The following NEO1 variants were observed in gnomAD, a reference collection of about 807,000 sequenced individuals.
The protein encoded by NEO1 is neogenin 1, also known as neogenin.
NEO1 carries 63 observed loss-of-function variants against 159.7 expected under a neutral mutation model. The ratio of observed to expected loss-of-function variants is 0.39; its 90% CI spans 0.32 to 0.49. The LOEUF (loss-of-function observed/expected upper bound fraction) is 0.49, where lower values mean the gene tolerates loss of function less well. Among genes scored for constraint, NEO1 ranks in the 20% least tolerant of loss-of-function variants. The pLI is 0.85. For missense variants in NEO1, 1,615 were observed against 1,831.0 expected (o/e 0.88, Z 2.15); for synonymous variants, 633 against 662.0 (o/e 0.96, Z 0.67).
intron 7 of NEO1, among the ~76,000 whole-genome samples, chr15:73,221,366 A>G (rs1303053953): frequency 6.6e-6 from 1 of 152,182 alleles, no homozygotes; most frequent in African/African-American, 2.4e-5. Context: ...TAGGCTGCTC[A>G]GGGGTCAGGG....
chr15:73,301,181 C>T, intron 27 of NEO1, 140 bp from the exon 28 acceptor site: 1 of 1,062,578 alleles, frequency 9.4e-7, no homozygotes, highest in Non-Finnish European at 1.4e-6. Flanking sequence ...CCTCTTATTC[C>T]AGTAACTTTT....
chr15:73,141,105 C>G (rs983311365), intron 5 of NEO1, among the ~76,000 whole-genome samples: 2 of 152,152 alleles, frequency 1.3e-5, no homozygotes, highest in Admixed American at 6.5e-5. Context: ...CAGATTATAA[C>G]TCATAATGTG....
At chr15:73,245,600 A>C (rs2039748070) in intron 9 of NEO1, among the ~76,000 whole-genome samples, 1 of 147,222 alleles carries the variant, frequency 6.8e-6, no homozygotes, top group South Asian at 2.1e-4. Context: ...TTTGAGGCGG[A>C]GTCTCGCTCT....
intron 10 of NEO1, 42 bp downstream of exon 10, chr15:73,249,250 T>C (rs759200826): frequency 2.5e-6 from 4 of 1,596,522 alleles, no homozygotes. Flanking sequence ...ATTGGAATAG[T>C]AGAGTTGAAA....
At chr15:73,296,322 C>T (rs557071675) in intron 26 of NEO1, among the ~76,000 whole-genome samples, 88 of 152,252 alleles carry the variant, frequency 5.8e-4, no homozygotes, top group African/African-American at 2.0e-3. Flanking sequence ...CCCAGCTTCT[C>T]CCTGGCCCAG....
chr15:73,131,059 C>G (rs572623699), intron 4 of NEO1, among the ~76,000 whole-genome samples: 6 of 152,078 alleles, frequency 3.9e-5, no homozygotes, highest in Admixed American at 1.3e-4. Flanking sequence ...GACAGCACCC[C>G]CCCACACACA....
At position 73,305,134 on chromosome 15, in the gene NEO1, T is replaced by C. The variant is rs1435563762; in HGVS notation, c.*2438T>C. 1 of 152,088 alleles carries C rather than the reference T, an allele frequency of 6.6e-6. No homozygotes were observed. The highest frequency in any genetic ancestry group is 1.5e-5 in the Non-Finnish European group (1 of 68,026). 9.4% of individuals were successfully genotyped at this position (152,088 alleles called of 1,614,324 possible). On this transcript the variant is annotated 3_prime_UTR_variant, in exon 29 of 29. Coordinates refer to ENST00000261908, the MANE Select transcript of NEO1 (RefSeq NM_002499.4). The stretch of plus-strand genomic sequence containing the variant: ...TCTGTAGTTGATGCTGTAAACTCTA[T>C]GGCTTTTTAAAAACGATTTCATGTT...
At chr15:73,301,581 C>G (rs1019393397) in intron 28 of NEO1, 124 bp downstream of exon 28, 1 of 1,267,704 alleles carries the variant, frequency 7.9e-7, no homozygotes, top group African/African-American at 1.5e-5. Flanking sequence ...GAAGCAGATA[C>G]ACTCATTCAT....
intron 1 of NEO1, among the ~76,000 whole-genome samples, chr15:73,110,560 A>G (rs1031680561): frequency 1.3e-5 from 2 of 152,198 alleles, no homozygotes; most frequent in South Asian, 2.1e-4. Flanking sequence ...TACAACAGAA[A>G]GGAGTTCCCT....
At chr15:73,167,481 C>A (rs2034656069) in intron 5 of NEO1, among the ~76,000 whole-genome samples, 1 of 152,124 alleles carries the variant, frequency 6.6e-6, no homozygotes, top group African/African-American at 2.4e-5. Flanking sequence ...GCGGGGGAGG[C>A]CCATAGGCCC....
intron 1 of NEO1, among the ~76,000 whole-genome samples, chr15:73,104,340 C>T (rs1008802966): frequency 2.6e-5 from 4 of 152,180 alleles, no homozygotes; most frequent in African/African-American, 9.7e-5. Flanking sequence ...TCAAACCCTT[C>T]AAATCTAATT....
chr15:73,155,041 CATG>C (rs967921711), intron 5 of NEO1, among the ~76,000 whole-genome samples: 1 of 149,422 alleles, frequency 6.7e-6, no homozygotes, highest in Non-Finnish European at 1.5e-5. Context: ...CTTGTGTTGT[CATG>C]GTGGTGAATG....
intron 1 of NEO1, among the ~76,000 whole-genome samples, chr15:73,060,531 G>A (rs1307978298): frequency 6.6e-6 from 1 of 152,090 alleles, no homozygotes; most frequent in Non-Finnish European, 1.5e-5. Context: ...GCCTCCCAAA[G>A]TGTTGGGATT....
chr15:73,061,573 A>T (rs1326573910), intron 1 of NEO1, among the ~76,000 whole-genome samples: 1 of 152,218 alleles, frequency 6.6e-6, no homozygotes, highest in African/African-American at 2.4e-5. Flanking sequence ...CAGCGTTACT[A>T]AACCTGATTG....
chr15:73,143,041 G>A (rs1210597841), intron 5 of NEO1, among the ~76,000 whole-genome samples: 2 of 152,188 alleles, frequency 1.3e-5, no homozygotes, highest in Non-Finnish European at 2.9e-5. Flanking sequence ...GAAGAAAGAG[G>A]AAGAGGAAAT....
intron 1 of NEO1, among the ~76,000 whole-genome samples, chr15:73,091,738 CTTTTTT>C (rs11320847): frequency 7.8e-6 from 1 of 127,446 alleles, no homozygotes; most frequent in Admixed American, 8.0e-5. Context: ...TAATTTTACA[CTTTTTT>C]TTTTTTTTTT....
chr15:73,108,630 C>T (rs551081429), intron 1 of NEO1, among the ~76,000 whole-genome samples: 6 of 152,256 alleles, frequency 3.9e-5, no homozygotes, highest in East Asian at 1.9e-4. Flanking sequence ...CTAGCCTGCT[C>T]ATGGGAAGAT....
At chr15:73,136,108 C>A in intron 5 of NEO1, 81 bp downstream of exon 5, 6 of 1,232,516 alleles carry the variant, frequency 4.9e-6, no homozygotes, top group Non-Finnish European at 6.6e-6. Context: ...TTAACATGGG[C>A]GAGGCAATAC....
chr15:73,085,259 C>T (rs1433429088), intron 1 of NEO1, among the ~76,000 whole-genome samples: 1 of 152,002 alleles, frequency 6.6e-6, no homozygotes, highest in Admixed American at 6.6e-5. Flanking sequence ...AAGCATAATG[C>T]CTTTATCACA....
Sources: allele counts gnomAD v4.1 joint callset (sites outside exome capture counted in the v4.1 genomes callset), GRCh38; gene constraint gnomAD v4.1.1; transcripts MANE v1.5; gene names NCBI Gene and HGNC (gene_info 2026-07-23, HGNC 2026-07-21).